PRC1: variants seen among roughly 807,000 people sequenced by gnomAD.
PRC1 encodes the protein anaphase spindle elongation 1 homolog.
PRC1 carries 54 observed loss-of-function variants against 91.2 expected under a neutral mutation model. That is an observed-to-expected ratio of 0.59 (90% confidence interval 0.48 to 0.74). The LOEUF (loss-of-function observed/expected upper bound fraction) is 0.74, where lower values mean the gene tolerates loss of function less well. PRC1 is among the 30% of genes least tolerant of loss of function. The pLI is 0.00. For missense variants in PRC1, 727 were observed against 746.2 expected (o/e 0.97, Z 0.30); for synonymous variants, 275 against 263.6 (o/e 1.04, Z -0.42).
At chr15:90,973,301 G>A (rs1438032737) in intron 11 of PRC1, among the ~76,000 whole-genome samples, 1 of 152,244 alleles carries the variant, frequency 6.6e-6, no homozygotes, top group Non-Finnish European at 1.5e-5. Flanking sequence ...TGTGCAGCAT[G>A]TGCCTTGTTA....
rs771879500 is a variant in PRC1 at position 90,984,651 on chromosome 15, C to G, written c.144+42G>C. The G allele has an allele frequency of 2.5e-6, 4 of 1,611,082 alleles. No individual in the cohort carries two copies. Among genetic ancestry groups the G allele is most frequent in the Non-Finnish European group, 3.4e-6 (4 of 1,178,240 alleles). ...CTATCTCGGGTGAGACACCAACATC[C>G]TTACCCTGGTCCAATGCAGAGACCA... On this transcript the variant is annotated intron_variant, in intron 2 of 14. Transcript: ENST00000394249. The surrounding 1 kb of genome is among the most constrained non-coding windows in gnomAD (Gnocchi z 5.1).
chr15:90,987,630 G>GTA (rs1323654990), intron 1 of PRC1: 1 of 152,046 alleles, frequency 6.6e-6, no homozygotes, highest in Admixed American at 6.6e-5. Flanking sequence ...CTTTTCTTAG[G>GTA]TATAACAGGA....
intron 1 of PRC1, 148 bp downstream of exon 1, chr15:90,994,259 C>T: frequency 3.9e-6 from 5 of 1,284,092 alleles, no homozygotes; most frequent in South Asian, 2.8e-5. Flanking sequence ...AGACCCTGCC[C>T]CTCAGCGCCC....
intron 1 of PRC1, among the ~76,000 whole-genome samples, chr15:90,985,437 G>C (rs1431976499): frequency 6.6e-6 from 1 of 151,862 alleles, no homozygotes; most frequent in African/African-American, 2.4e-5. Context: ...CGCCATGTTA[G>C]CCAGGTGGGT....
At position 90,980,010 on chromosome 15, in the gene PRC1, G is replaced by C. The variant is rs900244531; in HGVS notation, c.970+232C>G. On this transcript the variant is annotated intron_variant, in intron 7 of 14. Coordinates refer to ENST00000394249, the MANE Select transcript of PRC1 (RefSeq NM_003981.4). ...GCAATTATGCTAAATGTCTTGAAAA[G>C]GTGGCTTTATCTGTTCAGAAAAGGA... Among the ~76,000 whole-genome samples, 84 of 152,178 alleles carry C rather than the reference G, an allele frequency of 5.5e-4. 5 individuals are homozygous for C. Among genetic ancestry groups the C allele is most frequent in the Non-Finnish European group, 2.9e-5 (2 of 68,044 alleles).
Position 90,981,970 on chromosome 15 carries a change from C to A in PRC1, c.279G>T (p.Glu93Asp). Residue 93 changes from glutamate (E) to aspartate (D), a missense_variant, in exon 4 of 15, where the codon GAG becomes GAT. Glu to Asp is a conservative substitution (Grantham distance 45). Transcript: ENST00000394249. The part of the protein sequence containing the change: ...LHVEPFQEEG[E>D]TTILQLEKDL... ...CTTTTTCTAGTTGCAAGATGGTCGT[C>A]TCTCCTTCTTCCTGAATAAGACAAC... 6.2e-7 allele frequency: 1 copy of A among 1,613,768 alleles called. No homozygotes were observed. Among genetic ancestry groups the A allele is most frequent in the Non-Finnish European group, 8.5e-7 (1 of 1,179,804 alleles).
intron 9 of PRC1, among the ~76,000 whole-genome samples, chr15:90,975,377 C>T (rs1041555343): frequency 2.0e-5 from 3 of 152,112 alleles, no homozygotes; most frequent in Non-Finnish European, 4.4e-5. Flanking sequence ...ACACCACGCC[C>T]GGCCAGATTT....
intron 14 of PRC1, 160 bp from the exon 15 acceptor site, chr15:90,967,362 CTG>C (rs2037595669): frequency 1.6e-6 from 1 of 629,710 alleles, no homozygotes; most frequent in African/African-American, 1.8e-5. Context: ...GTGAGGAACT[CTG>C]AGCACCATTC....
chr15:90,971,091 A>G (rs1386721179), intron 11 of PRC1, among the ~76,000 whole-genome samples: 1 of 152,248 alleles, frequency 6.6e-6, no homozygotes, highest in African/African-American at 2.4e-5. Context: ...AAACTAATCT[A>G]TAGTTAGTTA....
intron 9 of PRC1, among the ~76,000 whole-genome samples, chr15:90,975,226 C>A (rs543326118): frequency 6.6e-6 from 1 of 152,302 alleles, no homozygotes; most frequent in Admixed American, 6.5e-5. Flanking sequence ...GTGCCTCAGC[C>A]TCCCGAGTAG....
intron 9 of PRC1, among the ~76,000 whole-genome samples, chr15:90,975,401 G>A (rs532847179): frequency 6.6e-6 from 1 of 152,158 alleles, no homozygotes; most frequent in Non-Finnish European, 1.5e-5. Flanking sequence ...TAATTTCTTA[G>A]TACCTCAGTT....
At chr15:90,981,275 A>C (rs2039174170) in intron 5 of PRC1, 1 of 687,408 alleles carries the variant, frequency 1.5e-6, no homozygotes, top group Non-Finnish European at 2.4e-6. Context: ...AATTCAAATG[A>C]CTAATATTAT....
chr15:90,981,728 A>G lies in PRC1; in HGVS notation c.501+20T>C. On this transcript the variant is annotated intron_variant, in intron 4 of 14. Coordinates refer to ENST00000394249, the MANE Select transcript of PRC1 (RefSeq NM_003981.4). Reference sequence around the variant, plus strand: ...GAAAACCAAAGTGACTTTTAGGAAGAACAAATGTAGGCAGTGTACCTTTGT... The same window carrying G: ...GAAAACCAAAGTGACTTTTAGGAAGGACAAATGTAGGCAGTGTACCTTTGT... The G allele has an allele frequency of 7.5e-6, 12 of 1,608,990 alleles. No homozygotes were observed. Among genetic ancestry groups the G allele is most frequent in the Non-Finnish European group, 1.0e-5 (12 of 1,176,244 alleles).
intron 8 of PRC1, 46 bp downstream of exon 8, chr15:90,979,112 T>A (rs773147897): frequency 6.3e-7 from 1 of 1,588,398 alleles, no homozygotes; most frequent in Non-Finnish European, 8.6e-7. Context: ...ATTCCGTACA[T>A]GGCATGCTTT....
chr15:90,966,781 G>A lies in PRC1; in HGVS notation c.*350C>T. On this transcript the variant is annotated 3_prime_UTR_variant, in exon 15 of 15. Coordinates refer to ENST00000394249, the MANE Select transcript of PRC1 (RefSeq NM_003981.4). ...TATACATGCCAAAATTACCCCCAGGGATGGGCATAGTCAATCATTTTCCTA... is the reference window on the plus strand; with the variant it reads ...TATACATGCCAAAATTACCCCCAGGAATGGGCATAGTCAATCATTTTCCTA... The A allele has an allele frequency of 2.3e-6, 1 of 434,880 alleles. No individual in the cohort carries two copies. The highest frequency in any genetic ancestry group is 4.5e-6 in the Non-Finnish European group (1 of 224,230). The allele number at this position is 434,880 out of a possible 1,614,324, so 26.9% of individuals were successfully genotyped here.
chr15:90,973,449 C>T (rs1409726762), intron 11 of PRC1, among the ~76,000 whole-genome samples: 1 of 152,218 alleles, frequency 6.6e-6, no homozygotes, highest in Non-Finnish European at 1.5e-5. Flanking sequence ...GGTATTTCCC[C>T]GCACTGAGAC....
chr15:90,971,632 C>T lies in PRC1; in HGVS notation c.1462-1118G>A, dbSNP rs527669561. ...TAAAAAAATTCTAGGGGGCCGGGCA[C>T]GGTGGCTCATCTGAGGTCGGGAGTA... On this transcript the variant is annotated intron_variant, in intron 11 of 14. Transcript: ENST00000394249. Among the ~76,000 whole-genome samples the T allele has an allele frequency of 4.0e-5, 6 of 150,976 alleles. No homozygotes were observed. In the East Asian group the frequency reaches 7.8e-4, roughly 20 times the overall value.
Position 90,969,232 on chromosome 15 carries a change from A to G in PRC1, c.1750-112T>C, listed in dbSNP as rs2037830253. The G allele has an allele frequency of 3.1e-6, 4 of 1,291,694 alleles. No homozygotes were observed. In the East Asian group the frequency reaches 9.5e-5, roughly 31 times the overall value. 80.0% of individuals were successfully genotyped at this position (1,291,694 alleles called of 1,614,324 possible). A position where few individuals can be genotyped will look rare whatever the true frequency, so the allele number is the denominator to read the frequency against. Reference sequence around the variant, plus strand: ...GGAATGGTATGTATTAAGCAGAAGGATCCAGGTTAAATGTCTAGTTGCTGC... The same window carrying G: ...GGAATGGTATGTATTAAGCAGAAGGGTCCAGGTTAAATGTCTAGTTGCTGC... On this transcript the variant is annotated intron_variant, in intron 13 of 14. Coordinates refer to ENST00000394249, the MANE Select transcript of PRC1 (RefSeq NM_003981.4).
At chr15:90,970,570 G>A (rs537340926) in intron 11 of PRC1, 56 bp from the exon 12 acceptor site, 700 of 1,261,724 alleles carry the variant, frequency 5.5e-4, no homozygotes, top group Non-Finnish European at 7.5e-4. Context: ...AGCATTTCTA[G>A]CAACCTGTCT....
Sources: gnomAD v4.1 joint callset for allele counts (sites outside exome capture counted in the v4.1 genomes callset) on GRCh38, gnomAD v4.1.1 for gene constraint, Gnocchi (gnomAD v3.1) non-coding constraint, MANE v1.5 for transcripts, NCBI Gene and HGNC (gene_info 2026-07-23, HGNC 2026-07-21) for gene names.